The following TNIK variants were observed in gnomAD, a reference collection of about 807,000 sequenced individuals.
TNIK encodes TRAF2 and NCK interacting kinase.
TNIK carries 49 observed loss-of-function variants against 191.3 expected under a neutral mutation model. That is an observed-to-expected ratio of 0.26 (90% CI 0.20 to 0.32). TNIK has a LOEUF of 0.32. Ranked by LOEUF, TNIK falls within the 10% of genes least tolerant of loss-of-function variation. The pLI is 1.00. For missense variants in TNIK, 1,155 were observed against 1,702.3 expected (o/e 0.68, Z 5.66); for synonymous variants, 594 against 600.9 (o/e 0.99, Z 0.17).
chr3:171,216,791 A>G (rs1741506285), intron 3 of TNIK, among the ~76,000 whole-genome samples: 1 of 152,144 alleles, frequency 6.6e-6, no homozygotes, highest in Non-Finnish European at 1.5e-5. Flanking sequence ...ACTGTAATAA[A>G]TTAGATTGTA....
At chr3:171,339,445 C>G (rs1035614124) in intron 2 of TNIK, among the ~76,000 whole-genome samples, 42 of 152,340 alleles carry the variant, frequency 2.8e-4, no homozygotes, top group Non-Finnish European at 1.6e-4. Flanking sequence ...TCCTCTAGAA[C>G]CAGAATGCCA....
rs6444965 is a variant in TNIK, at chr3:171,139,451, T to C, written c.1419+19A>G. On this transcript the variant is annotated intron_variant, in intron 14 of 32. Transcript: ENST00000436636. ...GATGAACACAGAGCAGGTCAGCTGG[T>C]TCTTGGCTTTCTCATTACCAGAAGT... is the stretch of plus-strand genomic sequence containing the variant. The C allele has an allele frequency of 0.31, 494,852 of 1,609,712 alleles. 78,484 individuals are homozygous for C. Among genetic ancestry groups the C allele is most frequent in the Non-Finnish European group, 0.33 (388,860 of 1,177,330 alleles).
At chr3:171,172,314 A>G (rs1735394809) in intron 9 of TNIK, among the ~76,000 whole-genome samples, 1 of 152,196 alleles carries the variant, frequency 6.6e-6, no homozygotes, top group African/African-American at 2.4e-5. Flanking sequence ...CAAGGCATTT[A>G]ACCCGGTAAC....
chr3:171,459,140 G>C (rs891822472), intron 1 of TNIK, among the ~76,000 whole-genome samples: 1 of 151,910 alleles, frequency 6.6e-6, no homozygotes, highest in Non-Finnish European at 1.5e-5. Flanking sequence ...GGTAATTCAC[G>C]TGAAGGTAAA....
intron 2 of TNIK, among the ~76,000 whole-genome samples, chr3:171,270,700 G>A (rs749018817): frequency 2.0e-5 from 3 of 152,138 alleles, no homozygotes; most frequent in Non-Finnish European, 2.9e-5. Context: ...GACAGGTATA[G>A]TTGTTAGCCA....
intron 2 of TNIK, among the ~76,000 whole-genome samples, chr3:171,296,155 C>G (rs1011582892): frequency 6.6e-6 from 1 of 152,160 alleles, no homozygotes; most frequent in Non-Finnish European, 1.5e-5. Flanking sequence ...AACTCATGGA[C>G]TTCCAGCCTT....
intron 2 of TNIK, among the ~76,000 whole-genome samples, chr3:171,272,429 G>A (rs1020108935): frequency 2.2e-4 from 34 of 152,188 alleles, no homozygotes; most frequent in African/African-American, 7.5e-4. Flanking sequence ...TCCTAAGATG[G>A]CACCGTACAC....
At chr3:171,162,613 T>C (rs557415675) in intron 10 of TNIK, among the ~76,000 whole-genome samples, 2 of 152,236 alleles carry the variant, frequency 1.3e-5, no homozygotes, top group African/African-American at 4.8e-5. Flanking sequence ...GCCTTCATGA[T>C]TGTGAAGAAA....
At chr3:171,252,686 A>G (rs1478595981) in intron 2 of TNIK, among the ~76,000 whole-genome samples, 2 of 152,228 alleles carry the variant, frequency 1.3e-5, no homozygotes, top group African/African-American at 4.8e-5. Context: ...GACATTCACA[A>G]TGTTAACTTT....
At chr3:171,209,358 A>G (rs1259172633) in intron 4 of TNIK, among the ~76,000 whole-genome samples, 1 of 151,870 alleles carries the variant, frequency 6.6e-6, no homozygotes, top group African/African-American at 2.4e-5. Flanking sequence ...TGTTTTTCCT[A>G]TTGATTTATA....
chr3:171,128,208 C>T (rs1728745096), intron 16 of TNIK, among the ~76,000 whole-genome samples: 1 of 152,182 alleles, frequency 6.6e-6, no homozygotes, highest in African/African-American at 2.4e-5. Context: ...ATCTGCATTT[C>T]TATCAAGTTC....
chr3:171,266,158 T>C (rs933024517), intron 2 of TNIK, among the ~76,000 whole-genome samples: 1 of 151,818 alleles, frequency 6.6e-6, no homozygotes. Flanking sequence ...AGGAAGAAAA[T>C]AGCAGGAAAG....
At chr3:171,223,702 T>C (rs1560285067) in intron 3 of TNIK, among the ~76,000 whole-genome samples, 2 of 152,132 alleles carry the variant, frequency 1.3e-5, no homozygotes, top group African/African-American at 2.4e-5. Context: ...AATTAATATA[T>C]AGAAAGTATT....
chr3:171,178,957 C>G (rs940799717), intron 7 of TNIK, among the ~76,000 whole-genome samples: 1 of 152,130 alleles, frequency 6.6e-6, no homozygotes, highest in African/African-American at 2.4e-5. Flanking sequence ...TGAAATGACA[C>G]TCAGGGCTCT....
At chr3:171,367,513 A>C (rs1317448036) in intron 2 of TNIK, among the ~76,000 whole-genome samples, 1 of 151,872 alleles carries the variant, frequency 6.6e-6, no homozygotes, top group African/African-American at 2.4e-5. Context: ...TCTCTCGCCC[A>C]GACTGGAGTG....
intron 1 of TNIK, among the ~76,000 whole-genome samples, chr3:171,415,440 T>C (rs1383399498): frequency 6.6e-6 from 1 of 152,190 alleles, no homozygotes. Flanking sequence ...TAAGTACCTA[T>C]TGCATAAAGG....
At chr3:171,259,152 A>G (rs1747276782) in intron 2 of TNIK, among the ~76,000 whole-genome samples, 2 of 152,186 alleles carry the variant, frequency 1.3e-5, no homozygotes, top group Non-Finnish European at 2.9e-5. Context: ...GTGTGTGTAT[A>G]TGGCACATAG....
chr3:171,208,826 C>T (rs1211645840), intron 4 of TNIK, among the ~76,000 whole-genome samples: 1 of 152,166 alleles, frequency 6.6e-6, no homozygotes, highest in South Asian at 2.1e-4. Context: ...TCCCAAAGTG[C>T]TGGGATTACA....
At chr3:171,340,022 T>A in intron 2 of TNIK, among the ~76,000 whole-genome samples, 1 of 152,140 alleles carries the variant, frequency 6.6e-6, no homozygotes, top group Admixed American at 6.5e-5. Context: ...AGCAAGAAAT[T>A]GGAATGCATG....
Sources: allele counts gnomAD v4.1 joint callset (sites outside exome capture counted in the v4.1 genomes callset), GRCh38; gene constraint gnomAD v4.1.1; transcripts MANE v1.5; gene names NCBI Gene and HGNC (gene_info 2026-07-23, HGNC 2026-07-21).